GRIK2: variants seen among roughly 807,000 people sequenced by gnomAD.
GRIK2 encodes the protein glutamate ionotropic receptor kainate type subunit 2, also known as glutamate receptor ionotropic, kainate 2.
GRIK2 carries 32 observed loss-of-function variants against 100.3 expected under a neutral mutation model. The ratio of observed to expected loss-of-function variants is 0.32; its 90% CI spans 0.24 to 0.43. The LOEUF (loss-of-function observed/expected upper bound fraction) is 0.43, where lower values mean the gene tolerates loss of function less well. Ranked by LOEUF, GRIK2 falls within the 20% of genes least tolerant of loss-of-function variation. GRIK2 has a pLI of 1.00. For missense variants in GRIK2, 843 were observed against 1,114.9 expected (o/e 0.76, Z 3.47); for synonymous variants, 417 against 389.4 (o/e 1.07, Z -0.83).
At chr6:101,641,433 T>A (rs1264756216) in intron 4 of GRIK2, among the ~76,000 whole-genome samples, 1 of 151,938 alleles carries the variant, frequency 6.6e-6, no homozygotes, top group Admixed American at 6.6e-5. Context: ...AATAACACAA[T>A]GAAAAATGAC....
chr6:101,973,384 G>A (rs752867773), intron 14 of GRIK2, among the ~76,000 whole-genome samples: 77 of 151,808 alleles, frequency 5.1e-4, no homozygotes, highest in Admixed American at 9.9e-4. Flanking sequence ...GTAAGTATGC[G>A]TAATAAACAT....
chr6:101,594,817 G>GT, intron 2 of GRIK2, among the ~76,000 whole-genome samples: 2 of 151,912 alleles, frequency 1.3e-5, no homozygotes, highest in East Asian at 3.9e-4. Flanking sequence ...AAGCATGGAT[G>GT]AAGGCAGATA....
chr6:101,806,823 A>G lies in GRIK2; in HGVS notation c.1203+4385A>G, dbSNP rs563791489. Among the ~76,000 whole-genome samples, 96 of 151,700 alleles carry G rather than the reference A, an allele frequency of 6.3e-4. 1 individual carries two copies. Among genetic ancestry groups the G allele is most frequent in the African/African-American group, 2.1e-3 (86 of 41,376 alleles). On this transcript the variant is annotated intron_variant, in intron 9 of 16. Transcript: ENST00000369134. ...CCTCTAAGTCTCTAATCAAGTTTAA[A>G]TTTCTCCTAATGCTCTGCCCTTTTT... is the stretch of plus-strand genomic sequence containing the variant.
chr6:101,433,679 G>T (rs1769553004), intron 2 of GRIK2, among the ~76,000 whole-genome samples: 1 of 150,110 alleles, frequency 6.7e-6, no homozygotes, highest in Admixed American at 6.7e-5. Flanking sequence ...TTTTCTTTAT[G>T]CTGAAGAGCA....
At chr6:101,807,801 G>A (rs894464521) in intron 9 of GRIK2, among the ~76,000 whole-genome samples, 3 of 151,962 alleles carry the variant, frequency 2.0e-5, no homozygotes, top group Admixed American at 2.0e-4. Flanking sequence ...TTGGCTTCCT[G>A]AGGTGCTCAC....
At chr6:102,057,680 G>T (rs962717126) in intron 16 of GRIK2, among the ~76,000 whole-genome samples, 7 of 151,792 alleles carry the variant, frequency 4.6e-5, no homozygotes, top group African/African-American at 1.4e-4. Context: ...AAATTCCTTA[G>T]GTTAGCAGAT....
intron 2 of GRIK2, among the ~76,000 whole-genome samples, chr6:101,541,603 A>T (rs1167236519): frequency 6.6e-6 from 1 of 152,090 alleles, no homozygotes; most frequent in African/African-American, 2.4e-5. Context: ...AGCCTCTCCC[A>T]CATCCTATGG....
intron 14 of GRIK2, among the ~76,000 whole-genome samples, chr6:102,027,760 G>A (rs1230377738): frequency 6.6e-6 from 1 of 151,026 alleles, no homozygotes; most frequent in African/African-American, 2.4e-5. Context: ...ATGAGCATAA[G>A]ATGGTTTCTA....
intron 2 of GRIK2, among the ~76,000 whole-genome samples, chr6:101,601,334 G>A (rs1192026165): frequency 6.6e-6 from 1 of 151,784 alleles, no homozygotes. Flanking sequence ...GATTCAGTTT[G>A]CTAGTATTTT....
At chr6:101,707,139 T>C (rs891707958) in intron 7 of GRIK2, among the ~76,000 whole-genome samples, 1 of 151,704 alleles carries the variant, frequency 6.6e-6, no homozygotes, top group African/African-American at 2.4e-5. Flanking sequence ...CTAAATCAAA[T>C]CTCAAAACAT....
intron 2 of GRIK2, among the ~76,000 whole-genome samples, chr6:101,445,408 C>G (rs1429477759): frequency 2.0e-5 from 3 of 152,178 alleles, no homozygotes; most frequent in African/African-American, 7.2e-5. Context: ...ACATCTTACT[C>G]CAACTTCCAT....
chr6:101,553,315 G>A (rs1201568929), intron 2 of GRIK2, among the ~76,000 whole-genome samples: 1 of 152,094 alleles, frequency 6.6e-6, no homozygotes, highest in African/African-American at 2.4e-5. Context: ...TATAGAAAGA[G>A]TTACTTTAAA....
intron 15 of GRIK2, among the ~76,000 whole-genome samples, chr6:102,048,876 G>T (rs1056274979): frequency 2.6e-5 from 4 of 151,504 alleles, no homozygotes; most frequent in African/African-American, 9.7e-5. Context: ...TAAAATAAAA[G>T]AAACAAATGT....
At chr6:101,684,081 A>G (rs1208649288) in intron 6 of GRIK2, among the ~76,000 whole-genome samples, 1 of 152,204 alleles carries the variant, frequency 6.6e-6, no homozygotes, top group African/African-American at 2.4e-5. Flanking sequence ...TTATTCATGC[A>G]GTAGGATGTA....
At chr6:101,580,654 A>T (rs1378552054) in intron 2 of GRIK2, among the ~76,000 whole-genome samples, 3 of 152,070 alleles carry the variant, frequency 2.0e-5, no homozygotes, top group Non-Finnish European at 2.9e-5. Flanking sequence ...CTAAGGCCCT[A>T]ACTAACCCCC....
chr6:102,066,262 A>G (rs1562151030), intron 16 of GRIK2, among the ~76,000 whole-genome samples: 1 of 151,634 alleles, frequency 6.6e-6, no homozygotes, highest in Non-Finnish European at 1.5e-5. Context: ...ATTGAATTAG[A>G]AACATTGTTA....
chr6:101,792,552 T>C (rs1474527922), intron 7 of GRIK2, among the ~76,000 whole-genome samples: 1 of 152,122 alleles, frequency 6.6e-6, no homozygotes, highest in African/African-American at 2.4e-5. Flanking sequence ...CTCTTCTGGC[T>C]TGTAGAGTTT....
intron 2 of GRIK2, among the ~76,000 whole-genome samples, chr6:101,428,052 G>T (rs1176182071): frequency 6.6e-6 from 1 of 152,086 alleles, no homozygotes; most frequent in East Asian, 1.9e-4. Flanking sequence ...TCTTTAATTA[G>T]CTCATTAGGA....
Position 102,020,506 on chromosome 6 carries a change from C to T in GRIK2, c.2086-14835C>T, listed in dbSNP as rs571012902. Reference sequence around the variant, plus strand: ...CTAAGAAGATTCTGCTGAAGACAGGCCAAGGTGATCAGACATCCCTTGCCG... The same window carrying T: ...CTAAGAAGATTCTGCTGAAGACAGGTCAAGGTGATCAGACATCCCTTGCCG... On this transcript the variant is annotated intron_variant, in intron 14 of 16. Coordinates refer to ENST00000369134, the MANE Select transcript of GRIK2 (RefSeq NM_021956.5). Among the ~76,000 whole-genome samples, 28 of 151,844 alleles carry T rather than the reference C, an allele frequency of 1.8e-4. No individual in the cohort carries two copies. The South Asian group carries it at 5.8e-3, about 32-fold the overall frequency.
Sources: gnomAD v4.1 joint callset for allele counts (sites outside exome capture counted in the v4.1 genomes callset) on GRCh38, gnomAD v4.1.1 for gene constraint, MANE v1.5 for transcripts, NCBI Gene and HGNC (gene_info 2026-07-23, HGNC 2026-07-21) for gene names.